Variants in RGS6 observed in about 807,000 individuals in gnomAD.
The protein encoded by RGS6 is regulator of G protein signaling 6.
A neutral mutation model predicts 78.5 loss-of-function variants in RGS6; 30 were observed. The ratio of observed to expected loss-of-function variants is 0.38; its 90% CI spans 0.29 to 0.52. RGS6 has a LOEUF of 0.52. RGS6 is among the 20% of genes least tolerant of loss of function. The pLI is 0.85. For missense variants in RGS6, 495 were observed against 609.7 expected, an observed-to-expected ratio of 0.81 and a Z score of 1.98; for synonymous variants, 206 against 206.0, an observed-to-expected ratio of 1.00 and a Z score of 0.00.
intron 3 of RGS6, among the ~76,000 whole-genome samples, chr14:72,382,694 G>A (rs549485599): frequency 3.9e-5 from 6 of 152,282 alleles, no homozygotes; most frequent in East Asian, 3.9e-4. Flanking sequence ...CAGGCATGAC[G>A]TTTGGCTCTA....
At chr14:71,914,942 C>T in the RGS6 span, among the ~76,000 whole-genome samples, 1 of 151,822 alleles carries the variant, frequency 6.6e-6, no homozygotes, top group Non-Finnish European at 1.5e-5. Flanking sequence ...ATGTGACGTT[C>T]ATCTGGAGAA....
At chr14:72,002,890 A>G (rs1330603275) in intron 2 of RGS6, among the ~76,000 whole-genome samples, 3 of 152,170 alleles carry the variant, frequency 2.0e-5, no homozygotes, top group African/African-American at 4.8e-5. Flanking sequence ...GTTACACTGA[A>G]CACTCGTACT....
chr14:72,604,841 G>A, the RGS6 span, among the ~76,000 whole-genome samples: 19 of 152,138 alleles, frequency 1.2e-4, no homozygotes, highest in Non-Finnish European at 1.0e-4. Context: ...GTTGGAGAGC[G>A]TTTCATATTT....
intron 2 of RGS6, among the ~76,000 whole-genome samples, chr14:72,014,876 C>T (rs1367945000): frequency 6.6e-6 from 1 of 152,204 alleles, no homozygotes; most frequent in Non-Finnish European, 1.5e-5. Flanking sequence ...AATATTCATA[C>T]TTCTGCCAAT....
At chr14:72,376,122 A>G (rs1218814070) in intron 3 of RGS6, among the ~76,000 whole-genome samples, 3 of 152,230 alleles carry the variant, frequency 2.0e-5, no homozygotes, top group African/African-American at 2.4e-5. Flanking sequence ...CATGAAAACA[A>G]TAAGTCATTA....
chr14:72,492,403 C>G (rs2096589913), intron 12 of RGS6, among the ~76,000 whole-genome samples: 1 of 152,172 alleles, frequency 6.6e-6, no homozygotes, highest in African/African-American at 2.4e-5. Flanking sequence ...GCATTCCTAC[C>G]TCCCAGGTAG....
At chr14:72,239,378 C>A (rs1407081693) in intron 2 of RGS6, among the ~76,000 whole-genome samples, 2 of 152,174 alleles carry the variant, frequency 1.3e-5, no homozygotes, top group African/African-American at 2.4e-5. Context: ...GTTGCTTCTC[C>A]CTGGAGCCTG....
chr14:72,277,213 A>G (rs558440814), intron 2 of RGS6, among the ~76,000 whole-genome samples: 24 of 152,372 alleles, frequency 1.6e-4, no homozygotes, highest in Admixed American at 2.6e-4. Context: ...TAGCAGGTGC[A>G]TCAGAGGAGG....
intron 2 of RGS6, among the ~76,000 whole-genome samples, chr14:72,300,007 C>G (rs2065717111): frequency 6.6e-6 from 1 of 151,924 alleles, no homozygotes; most frequent in Non-Finnish European, 1.5e-5. Context: ...CTCCTTTTTA[C>G]TACTTCATTC....
intron 2 of RGS6, among the ~76,000 whole-genome samples, chr14:72,068,974 T>C (rs980782654): frequency 6.6e-6 from 1 of 152,020 alleles, no homozygotes; most frequent in Non-Finnish European, 1.5e-5. Context: ...CTTTCTCTTG[T>C]TTTATTTATT....
intron 2 of RGS6, among the ~76,000 whole-genome samples, chr14:72,269,709 C>T (rs181507372): frequency 3.3e-5 from 5 of 151,790 alleles, no homozygotes; most frequent in African/African-American, 1.2e-4. Context: ...GGACTACAGG[C>T]ACCCACCACC....
At chr14:72,066,733 G>A (rs933632113) in intron 2 of RGS6, among the ~76,000 whole-genome samples, 3 of 151,410 alleles carry the variant, frequency 2.0e-5, no homozygotes, top group East Asian at 1.9e-4. Context: ...TACAGTTTCC[G>A]ATACTGAATA....
At position 72,419,822 on chromosome 14, in the gene RGS6, C is replaced by T. The variant is rs900269764; in HGVS notation, c.185-34706C>T. Among the ~76,000 whole-genome samples the T allele has an allele frequency of 8.5e-5, 13 of 152,212 alleles. No individual in the cohort carries two copies. The East Asian group carries it at 9.6e-4, about 11-fold the overall frequency. ...TGGTATCAGGGAATGCTTCTCAGAG[C>T]GGGTGGCGTTTGCCCTGAGACTTGA... On this transcript the variant is annotated intron_variant, in intron 3 of 17. Transcript: ENST00000553525.
At chr14:72,394,824 C>A (rs746368906) in intron 3 of RGS6, among the ~76,000 whole-genome samples, 2 of 152,164 alleles carry the variant, frequency 1.3e-5, no homozygotes, top group Non-Finnish European at 2.9e-5. Context: ...CGTAAGAAAT[C>A]ACAAGAATAT....
At chr14:72,614,571 G>A in the RGS6 span, among the ~76,000 whole-genome samples, 2 of 151,956 alleles carry the variant, frequency 1.3e-5, no homozygotes, top group African/African-American at 4.8e-5. Flanking sequence ...AAGGCTGCAG[G>A]CATGATCCAG....
rs141686920 is a variant in RGS6, at chr14:72,067,420, G to A, written c.84+102545G>A. Among the ~76,000 whole-genome samples the A allele has an allele frequency of 2.5e-3, 383 of 152,254 alleles. 1 individual carries two copies. The highest frequency in any genetic ancestry group is 8.9e-3 in the African/African-American group (371 of 41,538). ...GGTGCAGCAAAACGCCCTGGCACAT[G>A]TATACCTATGTAACAAACCTGCACG... is the stretch of plus-strand genomic sequence containing the variant. On this transcript the variant is annotated intron_variant, in intron 2 of 17. Coordinates refer to ENST00000553525, the MANE Select transcript of RGS6 (RefSeq NM_001204424.2).
intron 2 of RGS6, among the ~76,000 whole-genome samples, chr14:72,163,733 A>G (rs2153665990): frequency 6.6e-6 from 1 of 152,230 alleles, no homozygotes; most frequent in South Asian, 2.1e-4. Context: ...AAATACAAAA[A>G]TTAGCCAGGT....
At chr14:72,349,586 GTCT>G (rs2078736911) in intron 2 of RGS6, among the ~76,000 whole-genome samples, 1 of 152,206 alleles carries the variant, frequency 6.6e-6, no homozygotes, top group Non-Finnish European at 1.5e-5. Context: ...CTGGAGTGTA[GTCT>G]TCTTTCTGTT....
chr14:72,010,159 A>G (rs962213482), intron 2 of RGS6, among the ~76,000 whole-genome samples: 18 of 152,132 alleles, frequency 1.2e-4, no homozygotes, highest in African/African-American at 3.6e-4. Flanking sequence ...AGTGGTAGCT[A>G]TTCTTACTAT....
Sources: allele counts gnomAD v4.1 joint callset (sites outside exome capture counted in the v4.1 genomes callset), GRCh38; gene constraint gnomAD v4.1.1; transcripts MANE v1.5; gene names NCBI Gene and HGNC (gene_info 2026-07-23, HGNC 2026-07-21).